BCKDHB: variants seen among roughly 807,000 people sequenced by gnomAD.
BCKDHB encodes the protein branched chain keto acid dehydrogenase E1 subunit beta.
Under a neutral mutation model 48.5 loss-of-function variants are expected in BCKDHB, and 41 were observed. The observed-to-expected ratio is 0.85, with a 90% CI of 0.66 to 1.10. BCKDHB has a LOEUF of 1.10. Ranked by LOEUF, BCKDHB falls within the 50% of genes least tolerant of loss-of-function variation. BCKDHB has a pLI of 0.00. For missense variants in BCKDHB, 496 were observed against 494.2 expected (o/e 1.00, Z -0.03); for synonymous variants, 201 against 174.8 (o/e 1.15, Z -1.18).
intron 9 of BCKDHB, among the ~76,000 whole-genome samples, chr6:80,314,441 A>G (rs1768332710): frequency 6.6e-6 from 1 of 152,220 alleles, no homozygotes; most frequent in African/African-American, 2.4e-5. Context: ...CCAAACAGCA[A>G]AGGTGGTGGC....
intron 8 of BCKDHB, among the ~76,000 whole-genome samples, chr6:80,223,718 G>GC: frequency 6.6e-6 from 1 of 152,126 alleles, no homozygotes; most frequent in Non-Finnish European, 1.5e-5. Flanking sequence ...AGGTGTGACA[G>GC]ATACGATATG....
chr6:80,358,288 T>A, the BCKDHB span, among the ~76,000 whole-genome samples: 1 of 152,202 alleles, frequency 6.6e-6, no homozygotes, highest in South Asian at 2.1e-4. Flanking sequence ...ACAGTAAATA[T>A]ACACATATAT....
At chr6:80,168,146 T>G (rs1772670197) in intron 4 of BCKDHB, among the ~76,000 whole-genome samples, 1 of 151,778 alleles carries the variant, frequency 6.6e-6, no homozygotes, top group South Asian at 2.1e-4. Context: ...ATTAGCCCAG[T>G]GTGGTGGCAC....
chr6:80,369,752 G>T, the BCKDHB span, among the ~76,000 whole-genome samples: 1 of 152,190 alleles, frequency 6.6e-6, no homozygotes, highest in Non-Finnish European at 1.5e-5. Flanking sequence ...TGGCTTTCAG[G>T]AGTGGTACAG....
intron 9 of BCKDHB, among the ~76,000 whole-genome samples, chr6:80,294,670 C>A (rs1767129715): frequency 6.6e-6 from 1 of 152,162 alleles, no homozygotes; most frequent in Non-Finnish European, 1.5e-5. Context: ...GACTGAGATA[C>A]ACCCTGGTCT....
At chr6:80,213,605 C>T (rs1582371323) in intron 8 of BCKDHB, among the ~76,000 whole-genome samples, 1 of 151,948 alleles carries the variant, frequency 6.6e-6, no homozygotes, top group African/African-American at 2.4e-5. Flanking sequence ...TCTTCCCTCC[C>T]CCTCACTCTC....
chr6:80,337,973 A>C (rs955510137), intron 9 of BCKDHB, among the ~76,000 whole-genome samples: 2 of 152,224 alleles, frequency 1.3e-5, no homozygotes, highest in African/African-American at 4.8e-5. Context: ...TTATCAGTCT[A>C]TACCAGCTAT....
chr6:80,404,005 C>T, the BCKDHB span, among the ~76,000 whole-genome samples: 1 of 151,906 alleles, frequency 6.6e-6, no homozygotes, highest in Non-Finnish European at 1.5e-5. Flanking sequence ...ATTTTTGCAT[C>T]TATGCTCATC....
intron 9 of BCKDHB, chr6:80,307,776 A>G (rs899241606): frequency 1.3e-5 from 13 of 984,866 alleles, no homozygotes; most frequent in Non-Finnish European, 1.6e-5. Flanking sequence ...CACACACTTC[A>G]TAATGGAGTA....
At chr6:80,406,066 A>T in the BCKDHB span, among the ~76,000 whole-genome samples, 1 of 152,130 alleles carries the variant, frequency 6.6e-6, no homozygotes, top group Non-Finnish European at 1.5e-5. Flanking sequence ...ATGAATGAGA[A>T]CGTGCAGTGT....
chr6:80,387,338 T>C, the BCKDHB span, among the ~76,000 whole-genome samples: 1 of 150,712 alleles, frequency 6.6e-6, no homozygotes, highest in Non-Finnish European at 1.5e-5. Context: ...AAAGGCTAAA[T>C]AGAAGCCATT....
chr6:80,242,492 AT>A (rs1203979667), intron 8 of BCKDHB, among the ~76,000 whole-genome samples: 1 of 152,044 alleles, frequency 6.6e-6, no homozygotes, highest in Non-Finnish European at 1.5e-5. Context: ...GAGAGGTGAT[AT>A]TTTTAGTCCT....
chr6:80,319,761 A>G (rs1233477097), intron 9 of BCKDHB, among the ~76,000 whole-genome samples: 2 of 152,208 alleles, frequency 1.3e-5, no homozygotes. Context: ...GTATTTGTAA[A>G]TCTAAAAGGA....
intron 9 of BCKDHB, among the ~76,000 whole-genome samples, chr6:80,290,397 T>C (rs1227775789): frequency 6.6e-6 from 1 of 152,158 alleles, no homozygotes; most frequent in East Asian, 1.9e-4. Context: ...CATCAGTGAC[T>C]GGAAGGAGGC....
At chr6:80,196,704 A>G (rs1216314909) in intron 6 of BCKDHB, among the ~76,000 whole-genome samples, 1 of 152,192 alleles carries the variant, frequency 6.6e-6, no homozygotes, top group Admixed American at 6.5e-5. Context: ...TATAAGCTAT[A>G]TAGCAAATTA....
the BCKDHB span, among the ~76,000 whole-genome samples, chr6:80,409,674 G>T: frequency 5.3e-5 from 7 of 131,966 alleles, no homozygotes; most frequent in Admixed American, 8.7e-5. Context: ...TTACCATTAT[G>T]TAATGGCCTT....
chr6:80,340,810 C>T (rs572644964), intron 9 of BCKDHB, among the ~76,000 whole-genome samples: 156 of 151,922 alleles, frequency 1.0e-3, no homozygotes, highest in South Asian at 9.4e-3. Context: ...TGTGTACATA[C>T]GTACGTACGT....
chr6:80,187,710 A>G (rs982314479), intron 6 of BCKDHB, among the ~76,000 whole-genome samples: 1 of 152,220 alleles, frequency 6.6e-6, no homozygotes, highest in Non-Finnish European at 1.5e-5. Flanking sequence ...CATGTAGCCA[A>G]CAAGCATACG....
intron 8 of BCKDHB, among the ~76,000 whole-genome samples, chr6:80,262,313 C>A (rs1481153910): frequency 6.6e-6 from 1 of 152,148 alleles, no homozygotes; most frequent in Non-Finnish European, 1.5e-5. Flanking sequence ...TGCCCTGGCT[C>A]TAAAACAGTG....
Sources: allele counts gnomAD v4.1 joint callset (sites outside exome capture counted in the v4.1 genomes callset), GRCh38; gene constraint gnomAD v4.1.1; transcripts MANE v1.5; gene names NCBI Gene and HGNC (gene_info 2026-07-23, HGNC 2026-07-21).